ROBO2: variants seen among roughly 807,000 people sequenced by gnomAD.
ROBO2 encodes the protein roundabout guidance receptor 2.
A neutral mutation model predicts 160.8 loss-of-function variants in ROBO2; 53 were observed. The observed-to-expected ratio is 0.33, with a 90% CI of 0.26 to 0.41. The LOEUF is 0.41. Ranked by LOEUF, ROBO2 falls within the 10% of genes least tolerant of loss-of-function variation. The pLI is 1.00. For missense variants in ROBO2, 1,577 were observed against 1,722.4 expected, an observed-to-expected ratio of 0.92 and a Z score of 1.49; for synonymous variants, 664 against 611.7, an observed-to-expected ratio of 1.09 and a Z score of -1.26.
At chr3:76,382,690 C>T (rs1384026464) in intron 2 of ROBO2, among the ~76,000 whole-genome samples, 1 of 152,164 alleles carries the variant, frequency 6.6e-6, no homozygotes, top group African/African-American at 2.4e-5. Flanking sequence ...GAAGTGAATA[C>T]TTTAGGGAAT....
At chr3:76,231,250 G>C (rs771544531) in intron 2 of ROBO2, among the ~76,000 whole-genome samples, 6 of 152,076 alleles carry the variant, frequency 3.9e-5, no homozygotes, top group Non-Finnish European at 8.8e-5. Flanking sequence ...AATTATAACC[G>C]TTTCTTGCTA....
intron 2 of ROBO2, among the ~76,000 whole-genome samples, chr3:77,305,996 G>GAGAAACAAAAATAACAAATCTAA (rs1560494585): frequency 6.6e-6 from 1 of 151,970 alleles, no homozygotes; most frequent in African/African-American, 2.4e-5. Flanking sequence ...AACAAATCTA[G>GAGAAACAAAAATAACAAATCTAA]AGACACAAAA....
intron 2 of ROBO2, among the ~76,000 whole-genome samples, chr3:75,968,646 T>C (rs1355885920): frequency 6.6e-6 from 1 of 151,608 alleles, no homozygotes; most frequent in Admixed American, 6.6e-5. Flanking sequence ...TACAATATTA[T>C]TAACTATTGG....
intron 2 of ROBO2, among the ~76,000 whole-genome samples, chr3:77,179,335 A>G (rs2080469823): frequency 6.6e-6 from 1 of 151,950 alleles, no homozygotes; most frequent in African/African-American, 2.4e-5. Flanking sequence ...AGTTAAATTG[A>G]AGACTCATGT....
At chr3:77,345,724 A>T (rs1423464791) in intron 2 of ROBO2, among the ~76,000 whole-genome samples, 1 of 152,126 alleles carries the variant, frequency 6.6e-6, no homozygotes, top group Non-Finnish European at 1.5e-5. Flanking sequence ...TAACTTTGTA[A>T]ATCAAAAGGT....
intron 2 of ROBO2, among the ~76,000 whole-genome samples, chr3:77,434,883 A>T (rs562266231): frequency 5.3e-5 from 8 of 152,252 alleles, no homozygotes; most frequent in Admixed American, 5.2e-4. Flanking sequence ...ATGCACTCGC[A>T]TATAAAATGA....
intron 2 of ROBO2, among the ~76,000 whole-genome samples, chr3:77,241,190 G>A (rs1475170752): frequency 6.6e-6 from 1 of 152,164 alleles, no homozygotes; most frequent in Non-Finnish European, 1.5e-5. Context: ...TACATTCACT[G>A]AACTTATTAC....
At chr3:77,395,379 A>C (rs972708231) in intron 2 of ROBO2, among the ~76,000 whole-genome samples, 1 of 152,166 alleles carries the variant, frequency 6.6e-6, no homozygotes, top group African/African-American at 2.4e-5. Context: ...TTACTTTATT[A>C]AAAATTGAGT....
chr3:77,149,691 T>C (rs944327983), intron 2 of ROBO2, among the ~76,000 whole-genome samples: 2 of 152,156 alleles, frequency 1.3e-5, no homozygotes, highest in African/African-American at 4.8e-5. Context: ...AGCAAACTGT[T>C]GAGCAACAGA....
At chr3:76,690,680 A>G (rs1209799149) in intron 2 of ROBO2, among the ~76,000 whole-genome samples, 3 of 152,148 alleles carry the variant, frequency 2.0e-5, no homozygotes, top group Admixed American at 1.3e-4. Context: ...TCCCCTCTAG[A>G]TGAAAAGAGC....
intron 13 of ROBO2, 103 bp from the exon 15 acceptor site, chr3:77,574,396 T>C (rs1559643147): frequency 1.1e-6 from 1 of 923,506 alleles, no homozygotes; most frequent in South Asian, 1.4e-5. Flanking sequence ...ACTCAGTTGA[T>C]AGTTATGAGG....
At chr3:76,095,975 T>G (rs2069434342) in intron 2 of ROBO2, among the ~76,000 whole-genome samples, 2 of 152,104 alleles carry the variant, frequency 1.3e-5, no homozygotes, top group African/African-American at 4.8e-5. Flanking sequence ...AAATATCAAG[T>G]CATGTACTTA....
intron 2 of ROBO2, among the ~76,000 whole-genome samples, chr3:76,993,636 A>T (rs1429030880): frequency 6.6e-6 from 1 of 152,074 alleles, no homozygotes; most frequent in Non-Finnish European, 1.5e-5. Flanking sequence ...TTCCATCCTA[A>T]CGGCTCTACT....
intron 2 of ROBO2, among the ~76,000 whole-genome samples, chr3:76,801,094 T>A (rs573946704): frequency 2.0e-5 from 3 of 152,136 alleles, no homozygotes; most frequent in Non-Finnish European, 4.4e-5. Context: ...ATCCTGTCAT[T>A]TGCAACAACA....
intron 1 of ROBO2, among the ~76,000 whole-genome samples, chr3:77,090,769 C>T (rs1458742346): frequency 6.6e-6 from 1 of 152,110 alleles, no homozygotes; most frequent in Non-Finnish European, 1.5e-5. Context: ...CTTCCTATTG[C>T]GATGTGTCAG....
At chr3:75,939,400 T>C (rs951423839) in intron 2 of ROBO2, among the ~76,000 whole-genome samples, 5 of 152,182 alleles carry the variant, frequency 3.3e-5, no homozygotes, top group Non-Finnish European at 7.4e-5. Flanking sequence ...ATTTACTCAA[T>C]ATTGATTGCT....
intron 2 of ROBO2, among the ~76,000 whole-genome samples, chr3:76,348,349 T>C (rs1236710588): frequency 6.6e-6 from 1 of 152,104 alleles, no homozygotes; most frequent in East Asian, 1.9e-4. Context: ...CAAATACTGT[T>C]TTTGGAAAAT....
intron 2 of ROBO2, among the ~76,000 whole-genome samples, chr3:76,343,066 G>A (rs369190961): frequency 1.6e-4 from 25 of 151,666 alleles, no homozygotes; most frequent in African/African-American, 6.1e-4. Flanking sequence ...GGTCTTTCTC[G>A]GTAAATATAA....
intron 2 of ROBO2, among the ~76,000 whole-genome samples, chr3:76,155,618 G>A (rs959211307): frequency 1.2e-4 from 19 of 152,188 alleles, no homozygotes; most frequent in African/African-American, 4.6e-4. Context: ...GTCCATGAAA[G>A]CGTTTTCTAG....
Sources: allele counts gnomAD v4.1 joint callset (sites outside exome capture counted in the v4.1 genomes callset), GRCh38; gene constraint gnomAD v4.1.1; transcripts MANE v1.5; gene names NCBI Gene and HGNC (gene_info 2026-07-23, HGNC 2026-07-21).